EXOC1: variants seen among roughly 807,000 people sequenced by gnomAD.
The protein encoded by EXOC1 is exocyst complex component 1, also known as SEC3-like 1.
Under a neutral mutation model 107.7 loss-of-function variants are expected in EXOC1, and 67 were observed. That is an observed-to-expected ratio of 0.62 (90% CI 0.51 to 0.76). The LOEUF (loss-of-function observed/expected upper bound fraction) is 0.76, where lower values mean the gene tolerates loss of function less well. Among genes scored for constraint, EXOC1 ranks in the 30% least tolerant of loss-of-function variants. EXOC1 has a pLI of 0.00. For synonymous variants in EXOC1, 348 were observed against 353.5 expected (o/e 0.98, Z 0.17); for missense variants, 833 against 1,055.7 (o/e 0.79, Z 2.92).
At chr4:55,901,638 T>A (rs572520619) in intron 17 of EXOC1, among the ~76,000 whole-genome samples, 1 of 152,112 alleles carries the variant, frequency 6.6e-6, no homozygotes, top group East Asian at 1.9e-4. Flanking sequence ...CAGGTTAACC[T>A]TATTTATAGC....
chr4:55,864,022 G>A lies in EXOC1; in HGVS notation c.256-205G>A, dbSNP rs1007469765. 5.3e-5 allele frequency among the ~76,000 whole-genome samples: 8 copies of A among 152,176 alleles called. No homozygotes were observed. In the East Asian group the frequency reaches 1.3e-3, roughly 26 times the overall value. Reference sequence around the variant, plus strand: ...GCATAGGAAGAAAATGACCACAACAGTATGTTGTTTTTTCATCCAGCTCCT... The same window carrying A: ...GCATAGGAAGAAAATGACCACAACAATATGTTGTTTTTTCATCCAGCTCCT... On this transcript the variant is annotated intron_variant, in intron 3 of 18. Coordinates refer to ENST00000381295, the MANE Select transcript of EXOC1 (RefSeq NM_001024924.2).
intron 11 of EXOC1, among the ~76,000 whole-genome samples, chr4:55,889,988 C>T (rs1419900362): frequency 1.3e-5 from 2 of 152,116 alleles, no homozygotes; most frequent in Non-Finnish European, 2.9e-5. Flanking sequence ...CTTTCAGTCC[C>T]GTTCTATGGA....
At chr4:55,874,410 T>C (rs1722713121) in intron 8 of EXOC1, among the ~76,000 whole-genome samples, 1 of 152,158 alleles carries the variant, frequency 6.6e-6, no homozygotes, top group Non-Finnish European at 1.5e-5. Flanking sequence ...ATCTTTTCAT[T>C]TTAAAAATGA....
At chr4:55,899,638 T>C (rs1560365821) in intron 16 of EXOC1, 47 bp from the exon 17 acceptor site, 3 of 1,501,900 alleles carry the variant, frequency 2.0e-6, no homozygotes, top group Non-Finnish European at 1.8e-6. Context: ...TAGCTAAATA[T>C]GGTCATACTC....
chr4:55,881,111 C>T (rs1225170061), intron 9 of EXOC1, among the ~76,000 whole-genome samples: 3 of 152,232 alleles, frequency 2.0e-5, no homozygotes, highest in African/African-American at 7.2e-5. Flanking sequence ...TCACTAGCCA[C>T]TGCCTCTAGC....
chr4:55,903,166 A>T (rs1726195735), intron 18 of EXOC1, among the ~76,000 whole-genome samples: 1 of 83,714 alleles, frequency 1.2e-5, no homozygotes, highest in Non-Finnish European at 2.9e-5. Flanking sequence ...AAAAAAAAAG[A>T]AAGAAAGAAA....
At position 55,883,721 on chromosome 4, in the gene EXOC1, A is replaced by G. The variant is rs114601676; in HGVS notation, c.1225-102A>G. On this transcript the variant is annotated intron_variant, in intron 9 of 18. Transcript: ENST00000381295. ...CCTGTGAAATACATCAAAGTTTTGG[A>G]CTATGAAATTTAAAACAAGCATGAA... The G allele has an allele frequency of 6.7e-4, 436 of 646,290 alleles. 3 individuals are homozygous for G. In the African/African-American group the frequency reaches 7.8e-3, roughly 12 times the overall value. The allele number at this position is 646,290 out of a possible 1,614,324, so 40.0% of individuals were successfully genotyped here. A position where few individuals can be genotyped will look rare whatever the true frequency, so the allele number is the denominator to read the frequency against.
rs1160962815 is a variant in EXOC1, at chr4:55,860,546, G to C, written c.255+5G>C. 1 of 1,613,320 alleles carries C rather than the reference G, an allele frequency of 6.2e-7. No homozygotes were observed. The highest frequency in any genetic ancestry group is 1.7e-5 in the Admixed American group (1 of 59,990). ...GATGCCAAAGATGCTATCAAAGTAGGTTTTTCTCAGTTCTTTGACCTGTGT... is the reference window on the plus strand; with the variant it reads ...GATGCCAAAGATGCTATCAAAGTAGCTTTTTCTCAGTTCTTTGACCTGTGT... On this transcript the variant is annotated splice_donor_5th_base_variant and intron_variant, in intron 3 of 18. Transcript: ENST00000381295.
chr4:55,887,728 A>G (rs1724064166), intron 10 of EXOC1, among the ~76,000 whole-genome samples: 1 of 149,570 alleles, frequency 6.7e-6, no homozygotes, highest in African/African-American at 2.4e-5. Context: ...CCTGCCTCAA[A>G]AAAAAAAAAA....
At chr4:55,899,980 C>T in intron 17 of EXOC1, 96 bp downstream of exon 17, 2 of 1,090,620 alleles carry the variant, frequency 1.8e-6, no homozygotes, top group African/African-American at 1.6e-5. Context: ...TAAATTTTCT[C>T]ATGTGTTGGT....
chr4:55,872,660 C>A, intron 8 of EXOC1: 1 of 370,720 alleles, frequency 2.7e-6, no homozygotes, highest in Non-Finnish European at 3.7e-6. Flanking sequence ...TCTCGTTCAT[C>A]AAGAAATACT....
intron 9 of EXOC1, among the ~76,000 whole-genome samples, chr4:55,882,391 A>G (rs1292817096): frequency 6.6e-6 from 1 of 152,146 alleles, no homozygotes; most frequent in Admixed American, 6.6e-5. Context: ...GATACAGTAA[A>G]ACCTTCCTGT....
At chr4:55,894,506 A>C (rs1724957991) in intron 15 of EXOC1, among the ~76,000 whole-genome samples, 1 of 151,610 alleles carries the variant, frequency 6.6e-6, no homozygotes, top group South Asian at 2.1e-4. Context: ...TTAATAGTTT[A>C]GTAGCTTTAA....
chr4:55,871,991 TC>T (rs1426515525), intron 8 of EXOC1, 33 bp downstream of exon 8: 2 of 1,572,492 alleles, frequency 1.3e-6, no homozygotes, highest in South Asian at 2.2e-5. Context: ...ACGAGCATGT[TC>T]CTATAGCTTA....
chr4:55,886,686 TTAAG>T (rs544356584), intron 10 of EXOC1, among the ~76,000 whole-genome samples: 62 of 152,240 alleles, frequency 4.1e-4, no homozygotes, highest in African/African-American at 1.4e-3. Flanking sequence ...TGAATGAAAA[TTAAG>T]TAATTATAAA....
rs186662118 is a variant in EXOC1 at position 55,896,919 on chromosome 4, C to G, written c.2137+19C>G. On this transcript the variant is annotated intron_variant, in intron 16 of 18. Transcript: ENST00000381295. ...GTTAATGGTAAGCTTTTGTTATGTTCTAAAGAATTGTTATAGCTATTGTTT... is the reference window on the plus strand; with the variant it reads ...GTTAATGGTAAGCTTTTGTTATGTTGTAAAGAATTGTTATAGCTATTGTTT... 9,571 of 1,560,688 alleles carry G rather than the reference C, an allele frequency of 6.1e-3. 37 individuals carry two copies. The highest frequency in any genetic ancestry group is 7.1e-3 in the Non-Finnish European group (8,235 of 1,161,700).
At chr4:55,901,989 G>A (rs1184883493) in intron 17 of EXOC1, 2 of 155,668 alleles carry the variant, frequency 1.3e-5, no homozygotes, top group Admixed American at 6.5e-5. Flanking sequence ...AGGGGGAGTG[G>A]GATGTTAAAT....
Position 55,890,916 on chromosome 4 carries a change from T to A in EXOC1, c.1540-399T>A, listed in dbSNP as rs183773799. Among the ~76,000 whole-genome samples, 167 of 152,222 alleles carry A rather than the reference T, an allele frequency of 1.1e-3. 2 individuals carry two copies. The highest frequency in any genetic ancestry group is 7.1e-3 in the Admixed American group (109 of 15,294). On this transcript the variant is annotated intron_variant, in intron 12 of 18. Transcript: ENST00000381295. ...CTAATTTTTGTATTTTTAGTGGAGA[T>A]GGGGTTTCACCATGCTGGCCAGGCT...
intron 2 of EXOC1, 39 bp from the exon 3 acceptor site, chr4:55,860,372 G>A: frequency 2.5e-6 from 4 of 1,609,248 alleles, no homozygotes; most frequent in South Asian, 1.1e-5. Context: ...GAGTGAAAGG[G>A]GTAATATTTC....
Sources: allele counts gnomAD v4.1 joint callset (sites outside exome capture counted in the v4.1 genomes callset), GRCh38; gene constraint gnomAD v4.1.1; transcripts MANE v1.5; gene names NCBI Gene and HGNC (gene_info 2026-07-23, HGNC 2026-07-21).